Variants in SLC8A2 observed in about 807,000 individuals in gnomAD.
The protein encoded by SLC8A2 is sodium/calcium exchanger 2.
SLC8A2 carries 14 observed loss-of-function variants against 70.2 expected under a neutral mutation model. That is an observed-to-expected ratio of 0.20 (90% CI 0.13 to 0.31). The LOEUF is 0.31. Among genes scored for constraint, SLC8A2 ranks in the 10% least tolerant of loss-of-function variants. SLC8A2 has a pLI of 1.00. For missense variants in SLC8A2, 779 were observed against 1,320.1 expected (o/e 0.59, Z 6.35); for synonymous variants, 575 against 594.3 (o/e 0.97, Z 0.47).
chr19:47,441,198 C>G lies in SLC8A2; in HGVS notation c.1868-12G>C. The G allele has an allele frequency of 6.2e-7, 1 of 1,613,956 alleles. No homozygotes were observed. The highest frequency in any genetic ancestry group is 8.5e-7 in the Non-Finnish European group (1 of 1,179,928). ...ATTGAGTAGCAGAGCTGGGGAGAGA[C>G]AGAGACAGGCAGACAGTGAGATCAG... On this transcript the variant is annotated splice_polypyrimidine_tract_variant and intron_variant, in intron 5 of 9. Coordinates refer to ENST00000236877, the MANE Select transcript of SLC8A2 (RefSeq NM_015063.3).
intron 4 of SLC8A2, among the ~76,000 whole-genome samples, chr19:47,442,312 T>C (rs922280561): frequency 6.6e-5 from 10 of 152,050 alleles, no homozygotes; most frequent in Non-Finnish European, 2.9e-5. Context: ...GCAGCCAGAG[T>C]GATCCTGATA....
intron 3 of SLC8A2, among the ~76,000 whole-genome samples, chr19:47,452,756 G>A (rs559155497): frequency 2.0e-5 from 3 of 152,174 alleles, no homozygotes; most frequent in Non-Finnish European, 2.9e-5. Context: ...ATGTTGGCTG[G>A]TCGTGGTAGC....
At chr19:47,443,664 A>T (rs1967125667) in intron 4 of SLC8A2, among the ~76,000 whole-genome samples, 1 of 152,208 alleles carries the variant, frequency 6.6e-6, no homozygotes, top group South Asian at 2.1e-4. Flanking sequence ...GGTACCACGT[A>T]GACGCTCCTA....
At chr19:47,450,761 G>A (rs1288732592) in intron 3 of SLC8A2, among the ~76,000 whole-genome samples, 4 of 152,080 alleles carry the variant, frequency 2.6e-5, no homozygotes, top group East Asian at 3.9e-4. Context: ...GATCTTGGGC[G>A]GTCAGGATTC....
Position 47,450,012 on chromosome 19 carries a change from A to G in SLC8A2, c.1341-1781T>C, listed in dbSNP as rs921114953. ...GGGGGAGCCGGGGAGGGAACAAGGCAGTGACATTAGATTACTCAGAGTGAA... is the reference window on the plus strand; with the variant it reads ...GGGGGAGCCGGGGAGGGAACAAGGCGGTGACATTAGATTACTCAGAGTGAA... On this transcript the variant is annotated intron_variant, in intron 3 of 9. Transcript: ENST00000236877. Among the ~76,000 whole-genome samples, 3 of 152,292 alleles carry G rather than the reference A, an allele frequency of 2.0e-5. No individual in the cohort carries two copies. In the East Asian group the frequency reaches 5.8e-4, roughly 29 times the overall value.
In SLC8A2 at chr19:47,465,984, T is replaced by G. The variant is rs1599860688; in HGVS notation, c.420A>C (p.Ala140=). ...NLTLMALGSS[A]PEILLSVIEV... is the part of the protein sequence containing the mutation. Reference sequence around the variant, plus strand: ...CGATGACTGACAGCAGGATCTCAGGTGCGGAGGAGCCCAGGGCCATGAGCG... The same window carrying G: ...CGATGACTGACAGCAGGATCTCAGGGGCGGAGGAGCCCAGGGCCATGAGCG... The change falls in exon 2 of 10, where the codon GCA becomes GCC. Residue 140 remains alanine (A), a synonymous_variant. Transcript: ENST00000236877. The surrounding 1 kb of genome is among the most constrained non-coding windows in gnomAD (Gnocchi z 5.5). 1 of 1,614,016 alleles carries G rather than the reference T, an allele frequency of 6.2e-7. No individual in the cohort carries two copies. The highest frequency in any genetic ancestry group is 8.5e-7 in the Non-Finnish European group (1 of 1,179,976).
rs1307546531 is a variant in SLC8A2 at position 47,447,408 on chromosome 19, C to A, written c.1763+401G>T. ...CCCATCTCTCCTCACCTCGTCCCCC[C>A]TTCCTCCTTGGGGCCCTCTTCTCAC... On this transcript the variant is annotated intron_variant, in intron 4 of 9. Transcript: ENST00000236877. This position sits in a 1 kb window ranked among gnomAD's most constrained non-coding sequence, Gnocchi z 5.1. 1 of 257,560 alleles carries A rather than the reference C, an allele frequency of 3.9e-6. No individual in the cohort carries two copies. Among genetic ancestry groups the A allele is most frequent in the East Asian group, 1.3e-4 (1 of 7,954 alleles). The allele number at this position is 257,560 out of a possible 1,614,324, so 16.0% of individuals were successfully genotyped here. A position where few individuals can be genotyped will look rare whatever the true frequency, so the allele number is the denominator to read the frequency against.
At chr19:47,446,921 C>G (rs1291293568) in intron 4 of SLC8A2, among the ~76,000 whole-genome samples, 1 of 152,178 alleles carries the variant, frequency 6.6e-6, no homozygotes, top group East Asian at 1.9e-4. Context: ...ATGTGTGTGT[C>G]TGAGTGTATC....
In SLC8A2 at chr19:47,430,180, T is replaced by C; in HGVS notation, c.2675A>G (p.Lys892Arg). Reference protein sequence around the residue: ...GGELGGPRGPKLATTALFLGL... With the variant: ...GGELGGPRGPRLATTALFLGL... Reference sequence around the variant, plus strand: ...CAGGAAGAGCGCGGTGGTGGCGAGCTTGGGTCCGCGCGGGCCGCCCAGCTC... The same window carrying C: ...CAGGAAGAGCGCGGTGGTGGCGAGCCTGGGTCCGCGCGGGCCGCCCAGCTC... The change falls in exon 10 of 10, where the codon AAG (lysine) becomes AGG (arginine). Residue 892 changes from lysine (K) to arginine (R), a missense_variant. By Grantham distance (26) the Lys-to-Arg change is conservative. This residue lies in a region of SLC8A2 where 108 missense variants were observed against 269.6 expected (regional missense o/e 0.40). Transcript: ENST00000236877. This position sits in a 1 kb window ranked among gnomAD's most constrained non-coding sequence, Gnocchi z 5.9. The C allele has an allele frequency of 6.2e-7, 1 of 1,600,018 alleles. No individual in the cohort carries two copies.
At chr19:47,453,805 G>C (rs561310020) in intron 3 of SLC8A2, among the ~76,000 whole-genome samples, 3 of 152,276 alleles carry the variant, frequency 2.0e-5, no homozygotes, top group East Asian at 1.9e-4. Flanking sequence ...TGTGCCTGTA[G>C]TCCCAGCTAT....
intron 1 of SLC8A2, among the ~76,000 whole-genome samples, chr19:47,471,155 G>C (rs942704469): frequency 5.3e-5 from 8 of 151,402 alleles, no homozygotes; most frequent in Admixed American, 1.3e-4. Flanking sequence ...GAGAGAGAGA[G>C]AGACATGCGG....
intron 4 of SLC8A2, among the ~76,000 whole-genome samples, chr19:47,441,963 G>A (rs1166193386): frequency 6.6e-6 from 1 of 152,148 alleles, no homozygotes; most frequent in East Asian, 1.9e-4. Context: ...TTAGCTGGGT[G>A]TGGTGGCACA....
At chr19:47,451,573 T>G (rs1173219655) in intron 3 of SLC8A2, among the ~76,000 whole-genome samples, 3 of 152,236 alleles carry the variant, frequency 2.0e-5, no homozygotes, top group Admixed American at 6.5e-5. Context: ...GCTCCCAAAG[T>G]GCTGGGATTG....
intron 6 of SLC8A2, among the ~76,000 whole-genome samples, chr19:47,439,155 C>T (rs971747240): frequency 2.0e-5 from 3 of 152,182 alleles, no homozygotes; most frequent in African/African-American, 7.2e-5. Context: ...CCAAAGCTCC[C>T]TGGCACAGTG....
chr19:47,453,223 G>T (rs1967265807), intron 3 of SLC8A2, among the ~76,000 whole-genome samples: 1 of 152,104 alleles, frequency 6.6e-6, no homozygotes, highest in Non-Finnish European at 1.5e-5. Flanking sequence ...CTTAGAAAAA[G>T]AAAAAGGCTT....
chr19:47,454,135 G>C (rs900310105), intron 3 of SLC8A2, among the ~76,000 whole-genome samples: 2 of 152,122 alleles, frequency 1.3e-5, no homozygotes, highest in Non-Finnish European at 2.9e-5. Context: ...GATAGAGCAA[G>C]ACCCTGTCTC....
intron 2 of SLC8A2, among the ~76,000 whole-genome samples, chr19:47,459,693 G>C (rs891411113): frequency 6.9e-6 from 1 of 143,932 alleles, no homozygotes; most frequent in African/African-American, 2.6e-5. Context: ...GTGCATGGGT[G>C]TGTCCTTCTG....
intron 3 of SLC8A2, among the ~76,000 whole-genome samples, chr19:47,450,296 A>G (rs1967219242): frequency 6.6e-6 from 1 of 152,126 alleles, no homozygotes; most frequent in Admixed American, 6.5e-5. Flanking sequence ...GCTGAAGTGA[A>G]TGGATGACTT....
At position 47,447,800 on chromosome 19, in the gene SLC8A2, C is replaced by G; in HGVS notation, c.1763+9G>C. 6.3e-7 allele frequency: 1 copy of G among 1,579,942 alleles called. No homozygotes were observed. ...CCGCCCCTCTCCGGGCCGCCTCGGG[C>G]GTGCTCACATGGTCTCGTCGTCGCC... On this transcript the variant is annotated intron_variant, in intron 4 of 9. Coordinates refer to ENST00000236877, the MANE Select transcript of SLC8A2 (RefSeq NM_015063.3). This position sits in a 1 kb window ranked among gnomAD's most constrained non-coding sequence, Gnocchi z 5.1.
Sources: gnomAD v4.1 joint callset for allele counts (sites outside exome capture counted in the v4.1 genomes callset) on GRCh38, gnomAD v4.1.1 for gene constraint, gnomAD v4.1.1 regional missense constraint, Gnocchi (gnomAD v3.1) non-coding constraint, MANE v1.5 for transcripts, NCBI Gene and HGNC (gene_info 2026-07-23, HGNC 2026-07-21) for gene names.